The following GALNT13 variants were observed in gnomAD, a reference collection of about 807,000 sequenced individuals.
GALNT13 encodes UDP-GalNAc:polypeptide N-acetylgalactosaminyltransferase 13.
Under a neutral mutation model 64.2 loss-of-function variants are expected in GALNT13, and 28 were observed. That is an observed-to-expected ratio of 0.44 (90% confidence interval 0.32 to 0.60). The LOEUF (loss-of-function observed/expected upper bound fraction) is 0.60, where lower values mean the gene tolerates loss of function less well. Ranked by LOEUF, GALNT13 falls within the 20% of genes least tolerant of loss-of-function variation. The pLI is 0.05. For missense variants in GALNT13, 577 were observed against 669.8 expected (o/e 0.86, Z 1.53); for synonymous variants, 214 against 224.6 (o/e 0.95, Z 0.42).
the GALNT13 span, among the ~76,000 whole-genome samples, chr2:153,396,138 T>C: frequency 2.0e-5 from 3 of 152,082 alleles, no homozygotes; most frequent in Admixed American, 6.6e-5. Flanking sequence ...TGATAGACCA[T>C]TACTGTACTA....
chr2:153,944,303 A>G (rs1176618610), intron 2 of GALNT13, 91 bp from the exon 3 acceptor site: 1 of 491,906 alleles, frequency 2.0e-6, no homozygotes, highest in Non-Finnish European at 3.6e-6. Flanking sequence ...ATTTGAGAAC[A>G]TTAAATAAGT....
the GALNT13 span, among the ~76,000 whole-genome samples, chr2:153,663,940 T>C: frequency 1.3e-5 from 2 of 152,148 alleles, no homozygotes; most frequent in African/African-American, 4.8e-5. Flanking sequence ...AAGTTTTTCT[T>C]AGGGATTTCA....
the GALNT13 span, among the ~76,000 whole-genome samples, chr2:153,179,276 T>C: frequency 1.3e-5 from 2 of 152,222 alleles, no homozygotes; most frequent in East Asian, 3.8e-4. Context: ...TACTCAACAC[T>C]ATTTATTTAA....
the GALNT13 span, among the ~76,000 whole-genome samples, chr2:153,793,875 A>C: frequency 6.6e-6 from 1 of 152,176 alleles, no homozygotes; most frequent in Non-Finnish European, 1.5e-5. Context: ...CAAATGAATA[A>C]ATACTCTAGA....
At chr2:153,508,892 C>T in the GALNT13 span, among the ~76,000 whole-genome samples, 2 of 152,254 alleles carry the variant, frequency 1.3e-5, no homozygotes, top group East Asian at 3.9e-4. Context: ...AGAACTTTAA[C>T]CCTTTTGCCG....
the GALNT13 span, among the ~76,000 whole-genome samples, chr2:153,700,051 C>G: frequency 1.3e-5 from 2 of 151,898 alleles, no homozygotes; most frequent in Non-Finnish European, 2.9e-5. Context: ...ACCCCCAAAA[C>G]TTTAGGCCAA....
the GALNT13 span, among the ~76,000 whole-genome samples, chr2:153,188,148 A>G: frequency 6.6e-6 from 1 of 152,002 alleles, no homozygotes; most frequent in Non-Finnish European, 1.5e-5. Flanking sequence ...TATTAATTTT[A>G]TGGTTTTCCT....
chr2:153,072,886 T>G, the GALNT13 span, among the ~76,000 whole-genome samples: 1 of 152,208 alleles, frequency 6.6e-6, no homozygotes. Flanking sequence ...TTGTTTAAAT[T>G]ACACAACGGT....
chr2:154,345,144 GATAA>G lies in GALNT13; in HGVS notation c.1156+43560_1156+43563del, dbSNP rs557317641. On this transcript the variant is annotated intron_variant, in intron 9 of 12. Coordinates refer to ENST00000392825, the MANE Select transcript of GALNT13 (RefSeq NM_052917.4). ...AAATAAGGCTTTGAAAAAGACCTTA[GATAA>G]ATAAGTGCTTCACTCCTAAAGATAT... Among the ~76,000 whole-genome samples, 245 of 152,108 alleles carry G rather than the reference GATAA, an allele frequency of 1.6e-3. 1 individual carries two copies. The highest frequency in any genetic ancestry group is 5.8e-3 in the African/African-American group (241 of 41,534).
intron 9 of GALNT13, among the ~76,000 whole-genome samples, chr2:154,394,675 T>A (rs1187394756): frequency 6.6e-6 from 1 of 152,234 alleles, no homozygotes; most frequent in Non-Finnish European, 1.5e-5. Context: ...CTAAATTGTT[T>A]TGAGCTTCTT....
chr2:153,604,003 C>T, the GALNT13 span, among the ~76,000 whole-genome samples: 2 of 151,972 alleles, frequency 1.3e-5, no homozygotes, highest in South Asian at 2.1e-4. Context: ...TTCAGTATTC[C>T]GTTTCATTAG....
At chr2:153,166,465 G>T in the GALNT13 span, among the ~76,000 whole-genome samples, 2 of 152,168 alleles carry the variant, frequency 1.3e-5, no homozygotes, top group Admixed American at 6.5e-5. Flanking sequence ...AGAGACCAAA[G>T]AATGACTCAG....
the GALNT13 span, among the ~76,000 whole-genome samples, chr2:153,433,956 T>A: frequency 4.6e-5 from 7 of 152,204 alleles, no homozygotes; most frequent in South Asian, 1.5e-3. Context: ...ATTAGGTATA[T>A]CTCCTAATGC....
At chr2:153,439,382 G>A in the GALNT13 span, among the ~76,000 whole-genome samples, 1 of 152,182 alleles carries the variant, frequency 6.6e-6, no homozygotes. Context: ...AGAGGTTACT[G>A]CTGCCTTTTG....
At chr2:153,648,185 G>C in the GALNT13 span, among the ~76,000 whole-genome samples, 649 of 152,060 alleles carry the variant, frequency 4.3e-3, 6 homozygotes, top group African/African-American at 0.014. Flanking sequence ...CCTTCACATC[G>C]CTTGTAAGTT....
chr2:154,111,666 C>T (rs4352193), intron 3 of GALNT13, among the ~76,000 whole-genome samples: 2 of 152,154 alleles, frequency 1.3e-5, no homozygotes, highest in African/African-American at 2.4e-5. Flanking sequence ...GGTCCCACTT[C>T]CACTTCCACC....
intron 11 of GALNT13, among the ~76,000 whole-genome samples, chr2:154,426,564 G>A (rs1271835514): frequency 6.6e-6 from 1 of 152,112 alleles, no homozygotes; most frequent in Non-Finnish European, 1.5e-5. Flanking sequence ...TATTTTGGAA[G>A]GGATTCCCAA....
the GALNT13 span, among the ~76,000 whole-genome samples, chr2:153,099,612 T>G: frequency 6.6e-6 from 1 of 152,334 alleles, no homozygotes; most frequent in East Asian, 1.9e-4. Context: ...CATTTTACTT[T>G]ATGTGAAATA....
chr2:153,334,743 T>C, the GALNT13 span, among the ~76,000 whole-genome samples: 2 of 152,200 alleles, frequency 1.3e-5, no homozygotes, highest in East Asian at 3.9e-4. Context: ...GTCTGAAATA[T>C]TTTGATTACA....
Sources: allele counts gnomAD v4.1 joint callset (sites outside exome capture counted in the v4.1 genomes callset), GRCh38; gene constraint gnomAD v4.1.1; transcripts MANE v1.5; gene names NCBI Gene and HGNC (gene_info 2026-07-23, HGNC 2026-07-21).